LRRTM3: variants seen among roughly 807,000 people sequenced by gnomAD.
LRRTM3 encodes the protein leucine rich repeat transmembrane neuronal 3, also known as leucine-rich repeat transmembrane neuronal protein 3.
LRRTM3 carries 24 observed loss-of-function variants against 44.7 expected under a neutral mutation model. That is an observed-to-expected ratio of 0.54 (90% CI 0.39 to 0.76). The LOEUF is 0.76. Among genes scored for constraint, LRRTM3 ranks in the 30% least tolerant of loss-of-function variants. The pLI, the probability that LRRTM3 is intolerant of heterozygous loss-of-function variation, is 0.00. For synonymous variants in LRRTM3, 277 were observed against 278.7 expected, an observed-to-expected ratio of 0.99 and a Z score of 0.06; for missense variants, 587 against 702.2, an observed-to-expected ratio of 0.84 and a Z score of 1.85.
At chr10:66,957,970 T>C (rs569756694) in intron 2 of LRRTM3, among the ~76,000 whole-genome samples, 1 of 151,976 alleles carries the variant, frequency 6.6e-6, no homozygotes, top group South Asian at 2.1e-4. Context: ...AAGCATTTCA[T>C]AAAGGTGAGC....
chr10:67,068,396 GA>G (rs915581341), intron 2 of LRRTM3, among the ~76,000 whole-genome samples: 3 of 152,178 alleles, frequency 2.0e-5, no homozygotes, highest in Admixed American at 1.3e-4. Context: ...TACGTTGGGG[GA>G]CATTCGATGG....
intron 2 of LRRTM3, among the ~76,000 whole-genome samples, chr10:67,017,856 G>A (rs757462964): frequency 8.6e-5 from 13 of 151,918 alleles, no homozygotes; most frequent in Admixed American, 3.9e-4. Flanking sequence ...TGCAACCTCC[G>A]CCTCCAGGGT....
At chr10:66,933,108 C>T (rs1178915053) in intron 2 of LRRTM3, among the ~76,000 whole-genome samples, 2 of 152,132 alleles carry the variant, frequency 1.3e-5, no homozygotes, top group Admixed American at 1.3e-4. Flanking sequence ...TTCAAAAAGC[C>T]CTTAGTGAGA....
At chr10:67,003,264 C>A (rs552131775) in intron 2 of LRRTM3, among the ~76,000 whole-genome samples, 6 of 152,164 alleles carry the variant, frequency 3.9e-5, no homozygotes, top group Non-Finnish European at 8.8e-5. Context: ...TCCATGACTT[C>A]CTGACCATTT....
chr10:66,975,850 T>C (rs1850000714), intron 2 of LRRTM3, among the ~76,000 whole-genome samples: 1 of 152,236 alleles, frequency 6.6e-6, no homozygotes, highest in African/African-American at 2.4e-5. Context: ...CTTGTCATTT[T>C]CTATCTGACC....
intron 2 of LRRTM3, among the ~76,000 whole-genome samples, chr10:66,986,254 T>C (rs1235917098): frequency 2.0e-5 from 3 of 152,062 alleles, no homozygotes; most frequent in Non-Finnish European, 4.4e-5. Context: ...TCCCAAGGCT[T>C]TGAGAGGCCG....
intron 2 of LRRTM3, among the ~76,000 whole-genome samples, chr10:67,018,293 T>A (rs1369427910): frequency 2.0e-5 from 3 of 152,152 alleles, no homozygotes; most frequent in Non-Finnish European, 4.4e-5. Flanking sequence ...TATGAGGTAG[T>A]TTACTCTTCG....
chr10:66,949,911 C>G (rs1848450247), intron 2 of LRRTM3, among the ~76,000 whole-genome samples: 1 of 152,196 alleles, frequency 6.6e-6, no homozygotes, highest in Non-Finnish European at 1.5e-5. Context: ...GGTTCAGAAT[C>G]ACGGGCCTAA....
intron 2 of LRRTM3, among the ~76,000 whole-genome samples, chr10:67,096,656 A>G (rs953442478): frequency 6.6e-6 from 1 of 151,920 alleles, no homozygotes; most frequent in African/African-American, 2.4e-5. Flanking sequence ...CTAGACTTTG[A>G]TATCTGATTA....
At chr10:66,999,115 T>A (rs142003979) in intron 2 of LRRTM3, among the ~76,000 whole-genome samples, 4 of 152,228 alleles carry the variant, frequency 2.6e-5, no homozygotes, top group African/African-American at 9.6e-5. Context: ...AAAACCCTCA[T>A]ATTTCAAAAT....
At chr10:67,042,635 G>A (rs74141771) in intron 2 of LRRTM3, among the ~76,000 whole-genome samples, 37 of 151,912 alleles carry the variant, frequency 2.4e-4, no homozygotes, top group African/African-American at 8.7e-4. Flanking sequence ...TGGAAGAGAA[G>A]GAACGGAGGA....
At chr10:66,999,932 G>A (rs1461936078) in intron 2 of LRRTM3, among the ~76,000 whole-genome samples, 1 of 152,158 alleles carries the variant, frequency 6.6e-6, no homozygotes, top group African/African-American at 2.4e-5. Flanking sequence ...GTTGGCTTTA[G>A]ATCAGTGACT....
chr10:67,005,686 T>TTTTTTTTTTTTTTTTG (rs1851933060), intron 2 of LRRTM3, among the ~76,000 whole-genome samples: 3 of 101,152 alleles, frequency 3.0e-5, no homozygotes, highest in African/African-American at 6.3e-5. Context: ...CTCCATCTTT[T>TTTTTTTTTTTTTTTTG]TTTTTTTTTT....
intron 2 of LRRTM3, among the ~76,000 whole-genome samples, chr10:66,992,946 A>C (rs1302324129): frequency 6.6e-6 from 1 of 152,130 alleles, no homozygotes; most frequent in African/African-American, 2.4e-5. Context: ...TAATTGTTAT[A>C]GCTTTATAAG....
chr10:67,098,245 A>T lies in LRRTM3; in HGVS notation c.*449A>T, dbSNP rs997125360. On this transcript the variant is annotated 3_prime_UTR_variant, in exon 3 of 3. Coordinates refer to ENST00000361320, the MANE Select transcript of LRRTM3 (RefSeq NM_178011.5). Reference sequence around the variant, plus strand: ...AAAAATTATTTCTTGTGTTATTCAGAGTTACTCAGTTTTGTAAGGACTGTT... The same window carrying T: ...AAAAATTATTTCTTGTGTTATTCAGTGTTACTCAGTTTTGTAAGGACTGTT... The T allele has an allele frequency of 6.4e-6, 1 of 157,424 alleles. No individual in the cohort carries two copies. The highest frequency in any genetic ancestry group is 1.4e-5 in the Non-Finnish European group (1 of 71,080). 9.8% of individuals were successfully genotyped at this position (157,424 alleles called of 1,614,324 possible). A position where few individuals can be genotyped will look rare whatever the true frequency, so the allele number is the denominator to read the frequency against.
intron 2 of LRRTM3, among the ~76,000 whole-genome samples, chr10:66,974,563 CT>C: frequency 6.6e-6 from 1 of 152,100 alleles, no homozygotes; most frequent in Admixed American, 6.6e-5. Context: ...GAATGCTTAC[CT>C]TTTTAAAGAA....
intron 2 of LRRTM3, among the ~76,000 whole-genome samples, chr10:67,027,404 T>A (rs1811228458): frequency 6.6e-6 from 1 of 151,832 alleles, no homozygotes; most frequent in Non-Finnish European, 1.5e-5. Context: ...TTTCTGTCAA[T>A]GATAATGACT....
chr10:67,049,957 T>C (rs1854980941), intron 2 of LRRTM3, among the ~76,000 whole-genome samples: 1 of 152,252 alleles, frequency 6.6e-6, no homozygotes, highest in African/African-American at 2.4e-5. Flanking sequence ...AACTGAGGGA[T>C]GTATTATTCA....
intron 2 of LRRTM3, among the ~76,000 whole-genome samples, chr10:67,059,901 C>T (rs1855659880): frequency 1.3e-5 from 2 of 151,876 alleles, no homozygotes; most frequent in South Asian, 2.1e-4. Context: ...ATTTTAGGTG[C>T]CATAGGGACA....
Sources: gnomAD v4.1 joint callset for allele counts (sites outside exome capture counted in the v4.1 genomes callset) on GRCh38, gnomAD v4.1.1 for gene constraint, MANE v1.5 for transcripts, NCBI Gene and HGNC (gene_info 2026-07-23, HGNC 2026-07-21) for gene names.